MKLN1: variants seen among roughly 807,000 people sequenced by gnomAD.
MKLN1 encodes muskelin.
Under a neutral mutation model 99.0 loss-of-function variants are expected in MKLN1, and 18 were observed. The ratio of observed to expected loss-of-function variants is 0.18; its 90% confidence interval spans 0.13 to 0.27. The LOEUF (loss-of-function observed/expected upper bound fraction) is 0.27. Ranked by LOEUF, MKLN1 falls within the 10% of genes least tolerant of loss-of-function variation. The pLI, the probability that MKLN1 is intolerant of heterozygous loss-of-function variation, is 1.00. For synonymous variants in MKLN1, 288 were observed against 293.2 expected (o/e 0.98, Z 0.18); for missense variants, 621 against 875.9 (o/e 0.71, Z 3.67).
At chr7:131,301,529 G>A (rs993856057) in intron 3 of MKLN1, among the ~76,000 whole-genome samples, 2 of 152,178 alleles carry the variant, frequency 1.3e-5, no homozygotes, top group Non-Finnish European at 2.9e-5. Flanking sequence ...GGCATCTAGT[G>A]TCTCTTGGAA....
In MKLN1 at chr7:131,496,221, T is replaced by C. The variant is rs1349685949; in HGVS notation, c.*8493T>C. The C allele has an allele frequency of 1.3e-5, 2 of 152,066 alleles. No individual in the cohort carries two copies. The highest frequency in any genetic ancestry group is 4.8e-5 in the African/African-American group (2 of 41,332). The allele number at this position is 152,066 out of a possible 1,614,324, so 9.4% of individuals were successfully genotyped here. A position where few individuals can be genotyped will look rare whatever the true frequency, so the allele number is the denominator to read the frequency against. On this transcript the variant is annotated 3_prime_UTR_variant, in exon 18 of 18. Coordinates refer to ENST00000352689, the MANE Select transcript of MKLN1 (RefSeq NM_013255.5). ...GTGGCAATGTGGGGTCAGGGCCGTA[T>C]CCTAAAGTATCCACATGGTCTTAAA...
rs934680326 is a variant in MKLN1 at position 131,353,810 on chromosome 7, A to AT, written c.99-21602dup. Among the ~76,000 whole-genome samples the AT allele has an allele frequency of 1.4e-3, 178 of 123,502 alleles. 1 individual carries two copies. The highest frequency in any genetic ancestry group is 4.7e-3 in the Middle Eastern group (1 of 212). The allele number at this position is 123,502 out of a possible 152,430, so 81.0% of individuals were successfully genotyped here. A position where few individuals can be genotyped will look rare whatever the true frequency, so the allele number is the denominator to read the frequency against. ...TTAATGAAGTATGAGTTTTAGGTCA[A>AT]TTTTTTTTTTTTGGCTTATAGTTGT... On this transcript the variant is annotated intron_variant, in intron 1 of 17. Transcript: ENST00000352689.
intron 14 of MKLN1, among the ~76,000 whole-genome samples, chr7:131,465,154 A>G (rs1796622945): frequency 6.6e-6 from 1 of 152,204 alleles, no homozygotes; most frequent in South Asian, 2.1e-4. Flanking sequence ...TAACTATTAT[A>G]TAACACCAAT....
intron 3 of MKLN1, among the ~76,000 whole-genome samples, chr7:131,224,937 G>T (rs1451349588): frequency 6.6e-6 from 1 of 152,090 alleles, no homozygotes; most frequent in Non-Finnish European, 1.5e-5. Flanking sequence ...GCTGGGCATG[G>T]TGGCAGGCAC....
At chr7:131,117,160 G>A (rs527757751) in intron 1 of MKLN1, among the ~76,000 whole-genome samples, 8 of 152,096 alleles carry the variant, frequency 5.3e-5, no homozygotes, top group East Asian at 3.9e-4. Flanking sequence ...GGCTGGGCGC[G>A]GTGGCTCAGG....
chr7:131,231,848 G>A (rs1023025461), intron 3 of MKLN1, among the ~76,000 whole-genome samples: 1 of 152,196 alleles, frequency 6.6e-6, no homozygotes, highest in African/African-American at 2.4e-5. Flanking sequence ...TGCATCAGAA[G>A]AGGAAGAATG....
intron 3 of MKLN1, among the ~76,000 whole-genome samples, chr7:131,230,556 G>C (rs543997434): frequency 4.6e-5 from 7 of 152,302 alleles, no homozygotes; most frequent in African/African-American, 1.2e-4. Context: ...TTCTGGGAAG[G>C]CTTCTAAGAT....
intron 3 of MKLN1, among the ~76,000 whole-genome samples, chr7:131,288,387 T>A (rs1798164446): frequency 6.6e-6 from 1 of 152,196 alleles, no homozygotes; most frequent in African/African-American, 2.4e-5. Flanking sequence ...GGTGCCTCAG[T>A]ATCCGCTTAA....
chr7:131,461,715 T>G (rs1418517167), intron 12 of MKLN1, among the ~76,000 whole-genome samples: 1 of 152,178 alleles, frequency 6.6e-6, no homozygotes, highest in Non-Finnish European at 1.5e-5. Flanking sequence ...TGTTTAGCTT[T>G]TTGAGCACAT....
intron 7 of MKLN1, 87 bp from the exon 8 acceptor site, chr7:131,414,558 C>A: frequency 1.2e-6 from 1 of 849,584 alleles, no homozygotes; most frequent in Non-Finnish European, 1.8e-6. Context: ...GTTATTTTTA[C>A]TACTGATTAC....
intron 2 of MKLN1, among the ~76,000 whole-genome samples, chr7:131,383,334 A>G (rs1453496086): frequency 6.6e-6 from 1 of 152,234 alleles, no homozygotes; most frequent in East Asian, 1.9e-4. Context: ...CAAGGCCTGT[A>G]GAAGCTTAGA....
chr7:131,488,163 C>G lies in MKLN1; in HGVS notation c.*435C>G, dbSNP rs549004205. 6.6e-6 allele frequency: 1 copy of G among 151,984 alleles called. No homozygotes were observed. Among genetic ancestry groups the G allele is most frequent in the East Asian group, 1.9e-4 (1 of 5,166 alleles). 9.4% of individuals were successfully genotyped at this position (151,984 alleles called of 1,614,324 possible). On this transcript the variant is annotated 3_prime_UTR_variant, in exon 18 of 18. Transcript: ENST00000352689. ...GTCATTTGGCCTGCCTTTTCCCTTCCTATTTCACTTTGCCTCCCATCACAC... is the reference window on the plus strand; with the variant it reads ...GTCATTTGGCCTGCCTTTTCCCTTCGTATTTCACTTTGCCTCCCATCACAC...
At chr7:131,237,719 G>A (rs2398748) in intron 3 of MKLN1, among the ~76,000 whole-genome samples, 23,305 of 152,114 alleles carry the variant, frequency 0.15, 2,053 homozygotes, top group African/African-American at 0.24. Context: ...AGACCTGGGT[G>A]TGCCCAGAAG....
intron 12 of MKLN1, among the ~76,000 whole-genome samples, chr7:131,460,591 C>T (rs183875435): frequency 1.1e-4 from 16 of 152,332 alleles, no homozygotes; most frequent in African/African-American, 3.6e-4. Context: ...AGAAGCTCTC[C>T]ACAGAAGCCT....
chr7:131,283,399 T>C (rs1798087565), intron 3 of MKLN1, among the ~76,000 whole-genome samples: 1 of 101,846 alleles, frequency 9.8e-6, no homozygotes, highest in East Asian at 3.7e-4. Flanking sequence ...CTTCCTTCCT[T>C]CCTCTCTCTC....
intron 2 of MKLN1, among the ~76,000 whole-genome samples, chr7:131,146,896 A>G (rs1396260736): frequency 7.2e-5 from 11 of 152,206 alleles, no homozygotes; most frequent in Admixed American, 7.2e-4. Context: ...GTGGGGGAGA[A>G]GACAGGTGGG....
intron 3 of MKLN1, among the ~76,000 whole-genome samples, chr7:131,237,054 G>A (rs903535963): frequency 2.0e-5 from 3 of 152,092 alleles, no homozygotes; most frequent in African/African-American, 7.2e-5. Flanking sequence ...AGCTCTCACT[G>A]ATTTTTTGTT....
chr7:131,155,741 C>A (rs573603583), intron 2 of MKLN1, among the ~76,000 whole-genome samples: 4 of 152,072 alleles, frequency 2.6e-5, no homozygotes, highest in Non-Finnish European at 4.4e-5. Flanking sequence ...CTTTAGAAAA[C>A]GAAGACAAAG....
intron 3 of MKLN1, among the ~76,000 whole-genome samples, chr7:131,293,305 C>T (rs1288635148): frequency 6.6e-6 from 1 of 152,214 alleles, no homozygotes; most frequent in Non-Finnish European, 1.5e-5. Flanking sequence ...CAGCTGAGCC[C>T]AGTCCAGAGC....
Sources: allele counts gnomAD v4.1 joint callset (sites outside exome capture counted in the v4.1 genomes callset), GRCh38; gene constraint gnomAD v4.1.1; transcripts MANE v1.5; gene names NCBI Gene and HGNC (gene_info 2026-07-23, HGNC 2026-07-21).